PRKN: variants seen among roughly 807,000 people sequenced by gnomAD.
PRKN encodes E3 ubiquitin-protein ligase parkin.
In PRKN, 56 loss-of-function variants were observed where a neutral mutation model predicts 59.5. That is an observed-to-expected ratio of 0.94 (90% CI 0.76 to 1.18). The LOEUF (loss-of-function observed/expected upper bound fraction) is 1.18. Ranked by LOEUF, PRKN falls within the 50% of genes most tolerant of loss-of-function variation. The pLI is 0.00. For missense variants in PRKN, 657 were observed against 596.4 expected (o/e 1.10, Z -1.06); for synonymous variants, 250 against 222.1 (o/e 1.13, Z -1.12).
chr6:161,862,204 G>A (rs1793930992), intron 6 of PRKN, among the ~76,000 whole-genome samples: 1 of 152,178 alleles, frequency 6.6e-6, no homozygotes, highest in Non-Finnish European at 1.5e-5. Context: ...CAAGGATGCA[G>A]ACACATGATT....
chr6:162,191,496 G>A (rs1272649277), intron 4 of PRKN, among the ~76,000 whole-genome samples: 1 of 152,148 alleles, frequency 6.6e-6, no homozygotes, highest in East Asian at 1.9e-4. Context: ...AAGCTGGAGT[G>A]CAATAGTGCC....
intron 1 of PRKN, among the ~76,000 whole-genome samples, chr6:162,472,306 T>G: frequency 6.7e-6 from 1 of 150,330 alleles, no homozygotes; most frequent in Admixed American, 6.7e-5. Context: ...CTGCCCCCAT[T>G]AACTCATCAT....
chr6:161,417,633 A>G lies in PRKN; in HGVS notation c.1084-30756T>C, dbSNP rs1428700462. On this transcript the variant is annotated intron_variant, in intron 9 of 11. Coordinates refer to ENST00000366898, the MANE Select transcript of PRKN (RefSeq NM_004562.3). The surrounding 1 kb of genome is among the most constrained non-coding windows in gnomAD (Gnocchi z 5.4). ...GGGGTTACATCTATTGTTTCCTGTA[A>G]TTGTCACAGCAGTACTCAATACACA... Among the ~76,000 whole-genome samples the G allele has an allele frequency of 6.6e-6, 1 of 152,082 alleles. No individual in the cohort carries two copies. The highest frequency in any genetic ancestry group is 1.5e-5 in the Non-Finnish European group (1 of 68,028).
At chr6:162,632,508 G>A (rs1777531435) in intron 1 of PRKN, among the ~76,000 whole-genome samples, 1 of 152,134 alleles carries the variant, frequency 6.6e-6, no homozygotes, top group African/African-American at 2.4e-5. Flanking sequence ...AAGGAGGAGG[G>A]AGGGAGGCAT....
In PRKN at chr6:161,470,334, G is replaced by A. The variant is rs921128306; in HGVS notation, c.1083+78520C>T. On this transcript the variant is annotated intron_variant, in intron 9 of 11. Transcript: ENST00000366898. This position sits in a 1 kb window ranked among gnomAD's most constrained non-coding sequence, Gnocchi z 5.1. ...CTAAATCTTCATTCCCCTCTTCAAC[G>A]GCTCTACCCAGTGCTCATCACTCTT... Among the ~76,000 whole-genome samples, 1 of 151,990 alleles carries A rather than the reference G, an allele frequency of 6.6e-6. No individual in the cohort carries two copies. Among genetic ancestry groups the A allele is most frequent in the Non-Finnish European group, 1.5e-5 (1 of 68,028 alleles).
intron 1 of PRKN, among the ~76,000 whole-genome samples, chr6:162,710,763 T>A (rs1015697985): frequency 6.6e-6 from 1 of 150,906 alleles, no homozygotes; most frequent in Admixed American, 6.6e-5. Context: ...CAAAGTACTT[T>A]AAAAAAAAAC....
At chr6:161,854,107 T>C (rs78114211) in intron 6 of PRKN, among the ~76,000 whole-genome samples, 1 of 126,150 alleles carries the variant, frequency 7.9e-6, no homozygotes, top group Non-Finnish European at 1.8e-5. Flanking sequence ...AAAAAAAAAT[T>C]AGCCAGGCAT....
chr6:161,836,540 A>T (rs1792764127), intron 6 of PRKN, among the ~76,000 whole-genome samples: 1 of 152,236 alleles, frequency 6.6e-6, no homozygotes, highest in Non-Finnish European at 1.5e-5. Flanking sequence ...GGTCCTCTTT[A>T]ATACACAGAT....
intron 2 of PRKN, among the ~76,000 whole-genome samples, chr6:162,436,797 A>C (rs1335412331): frequency 6.6e-6 from 1 of 150,972 alleles, no homozygotes; most frequent in African/African-American, 2.5e-5. Context: ...TCTGTTTAAG[A>C]CTTCAAGAAA....
rs1296774185 is a variant in PRKN, at chr6:161,548,320, C to T, written c.1083+534G>A. On this transcript the variant is annotated intron_variant, in intron 9 of 11. Transcript: ENST00000366898. This position sits in a 1 kb window ranked among gnomAD's most constrained non-coding sequence, Gnocchi z 4.2. The stretch of plus-strand genomic sequence containing the variant: ...GACCTCTTAGAACAAACATTTTCCA[C>T]ATTTCTTATTCTGCTTCCATAAGAG... Among the ~76,000 whole-genome samples, 1 of 152,192 alleles carries T rather than the reference C, an allele frequency of 6.6e-6. No homozygotes were observed. The highest frequency in any genetic ancestry group is 2.4e-5 in the African/African-American group (1 of 41,458).
At chr6:162,575,315 T>TCA (rs1780514898) in intron 1 of PRKN, among the ~76,000 whole-genome samples, 1 of 152,162 alleles carries the variant, frequency 6.6e-6, no homozygotes. Flanking sequence ...CTCTGCATGG[T>TCA]CACACCCAGT....
chr6:161,558,406 T>TA lies in PRKN; in HGVS notation c.934-9404dup, dbSNP rs796688147. On this transcript the variant is annotated intron_variant, in intron 8 of 11. Coordinates refer to ENST00000366898, the MANE Select transcript of PRKN (RefSeq NM_004562.3). ...GCAAGACCCCATTTCGACAAAAAAT[T>TA]AAAAAAAAATTACCTGGGCATGGTG... is the stretch of plus-strand genomic sequence containing the variant. Among the ~76,000 whole-genome samples, 275 of 149,928 alleles carry TA rather than the reference T, an allele frequency of 1.8e-3. 2 individuals are homozygous for TA. Among genetic ancestry groups the TA allele is most frequent in the African/African-American group, 6.6e-3 (266 of 40,024 alleles).
intron 1 of PRKN, among the ~76,000 whole-genome samples, chr6:162,515,052 C>T (rs1777786821): frequency 6.6e-6 from 1 of 150,882 alleles, no homozygotes; most frequent in African/African-American, 2.4e-5. Flanking sequence ...TATTGAATAT[C>T]CTATTTAGGA....
At position 161,479,611 on chromosome 6, in the gene PRKN, C is replaced by G. The variant is rs565764511; in HGVS notation, c.1083+69243G>C. On this transcript the variant is annotated intron_variant, in intron 9 of 11. Transcript: ENST00000366898. ...TTAACTTTCTGAGCATATGCTCTGT[C>G]CCCGGGGAAGACGACAGTCAAGGGA... 2.0e-5 allele frequency among the ~76,000 whole-genome samples: 3 copies of G among 152,250 alleles called. No homozygotes were observed. In the East Asian group the frequency reaches 5.8e-4, roughly 29 times the overall value.
At chr6:162,594,111 C>T (rs528115396) in intron 1 of PRKN, among the ~76,000 whole-genome samples, 1 of 152,200 alleles carries the variant, frequency 6.6e-6, no homozygotes, top group Non-Finnish European at 1.5e-5. Flanking sequence ...GATTGTACCA[C>T]TGCACTCCAG....
At chr6:162,072,889 C>T (rs1778640185) in intron 4 of PRKN, among the ~76,000 whole-genome samples, 3 of 152,156 alleles carry the variant, frequency 2.0e-5, no homozygotes, top group South Asian at 2.1e-4. Context: ...ATTCGATAAA[C>T]GTTAGTGGGT....
intron 5 of PRKN, among the ~76,000 whole-genome samples, chr6:162,027,794 G>A (rs752302413): frequency 6.6e-6 from 1 of 151,930 alleles, no homozygotes; most frequent in Non-Finnish European, 1.5e-5. Context: ...TGCTGAGGTT[G>A]CCTCCGTGCT....
chr6:161,838,228 T>G (rs1792841561), intron 6 of PRKN, among the ~76,000 whole-genome samples: 1 of 152,224 alleles, frequency 6.6e-6, no homozygotes, highest in African/African-American at 2.4e-5. Context: ...ACTAGAAAAT[T>G]AAATAACTTG....
intron 6 of PRKN, among the ~76,000 whole-genome samples, chr6:161,936,028 A>G (rs1295614563): frequency 6.6e-6 from 1 of 152,152 alleles, no homozygotes; most frequent in African/African-American, 2.4e-5. Flanking sequence ...CTTTCAATGG[A>G]AATTTTAAAC....
Sources: allele counts gnomAD v4.1 joint callset (sites outside exome capture counted in the v4.1 genomes callset), GRCh38; gene constraint gnomAD v4.1.1; non-coding constraint Gnocchi (gnomAD v3.1); transcripts MANE v1.5; gene names NCBI Gene and HGNC (gene_info 2026-07-23, HGNC 2026-07-21).